HESX1: variants seen among roughly 807,000 people sequenced by gnomAD.
HESX1 encodes the protein HESX homeobox 1, also known as homeobox expressed in ES cells 1.
In HESX1, 11 loss-of-function variants were observed where a neutral mutation model predicts 22.5. That is an observed-to-expected ratio of 0.49 (90% CI 0.31 to 0.81). The LOEUF (loss-of-function observed/expected upper bound fraction) is 0.81, where lower values mean the gene tolerates loss of function less well. Among genes scored for constraint, HESX1 ranks in the 30% least tolerant of loss-of-function variants. The pLI is 0.05. For missense variants in HESX1, 201 were observed against 212.6 expected, an observed-to-expected ratio of 0.95 and a Z score of 0.34; for synonymous variants, 74 against 76.5, an observed-to-expected ratio of 0.97 and a Z score of 0.17.
intron 2 of HESX1, 55 bp downstream of exon 2, chr3:57,198,698 C>T: frequency 6.6e-7 from 1 of 1,513,490 alleles, no homozygotes; most frequent in Non-Finnish European, 9.2e-7. Flanking sequence ...TTTTGCTCAA[C>T]TTGGTGTCAA....
intron 1 of HESX1, chr3:57,226,177 CTTTT>C (rs1343540663): frequency 6.8e-6 from 1 of 146,628 alleles, no homozygotes; most frequent in South Asian, 2.1e-4. Context: ...AGCGCCAGGC[CTTTT>C]TTTTTTTCTT....
At chr3:57,216,215 CTCAT>C (rs1382173319) in intron 1 of HESX1, among the ~76,000 whole-genome samples, 2 of 152,238 alleles carry the variant, frequency 1.3e-5, no homozygotes, top group African/African-American at 2.4e-5. Context: ...TCTCTTAAGT[CTCAT>C]TCAATCAGCA....
upstream of HESX1, chr3:57,200,082 C>T (rs965735508): frequency 6.1e-6 from 4 of 652,506 alleles, no homozygotes; most frequent in Middle Eastern, 4.0e-4. Flanking sequence ...TTTAGCATGT[C>T]AATGAACACT....
chr3:57,214,642 T>C (rs1250154199), intron 1 of HESX1, among the ~76,000 whole-genome samples: 1 of 152,230 alleles, frequency 6.6e-6, no homozygotes, highest in African/African-American at 2.4e-5. Flanking sequence ...TGACACATAG[T>C]AGACATTACA....
intron 1 of HESX1, among the ~76,000 whole-genome samples, chr3:57,205,281 G>A (rs2060513554): frequency 6.6e-6 from 1 of 152,010 alleles, no homozygotes; most frequent in Non-Finnish European, 1.5e-5. Flanking sequence ...ATGGTTGCCT[G>A]CACCCATAGT....
chr3:57,199,896 C>A lies in HESX1; in HGVS notation c.23G>T (p.Gly8Val). 6.2e-7 allele frequency: 1 copy of A among 1,614,040 alleles called. No individual in the cohort carries two copies. Among genetic ancestry groups the A allele is most frequent in the South Asian group, 1.1e-5 (1 of 91,084 alleles). Residue 8 changes from glycine (G) to valine (V), a missense_variant, in exon 1 of 4, where the codon GGC (glycine) becomes GTC (valine). Gly to Val is a moderately radical substitution (Grantham distance 109). Coordinates refer to ENST00000295934, the MANE Select transcript of HESX1 (RefSeq NM_003865.3). ...GGGTTTGTTTTCCCCGAGCTGAGCG[C>A]CTTCCTGAAGGCTGGGAGACATCCT... MSPSLQE[G>V]AQLGENKPST... is the part of the protein sequence containing the mutation.
chr3:57,218,296 CCT>C (rs1207447243), intron 1 of HESX1, among the ~76,000 whole-genome samples: 1 of 152,002 alleles, frequency 6.6e-6, no homozygotes, highest in Non-Finnish European at 1.5e-5. Flanking sequence ...TCTGTTGTTG[CCT>C]CTTTGTGTCT....
intron 1 of HESX1, among the ~76,000 whole-genome samples, chr3:57,209,701 T>C (rs1187119634): frequency 7.9e-6 from 1 of 126,392 alleles, no homozygotes; most frequent in Non-Finnish European, 1.7e-5. Context: ...GAAAAGAAAA[T>C]AGTGATGATA....
At chr3:57,198,985 G>A (rs1250618038) in intron 1 of HESX1, 33 bp from the exon 2 acceptor site, 1 of 1,573,446 alleles carries the variant, frequency 6.4e-7, no homozygotes, top group Non-Finnish European at 8.7e-7. Flanking sequence ...TGTCTTAGAT[G>A]GTCAATCTTA....
At chr3:57,218,439 C>CTTTTTTT (rs60734023) in intron 1 of HESX1, among the ~76,000 whole-genome samples, 13 of 102,272 alleles carry the variant, frequency 1.3e-4, no homozygotes, top group African/African-American at 2.8e-4. Flanking sequence ...TGATCTCATT[C>CTTTTTTT]TTTTTTTTTT....
chr3:57,218,008 T>A (rs2060592541), intron 1 of HESX1, among the ~76,000 whole-genome samples: 1 of 152,342 alleles, frequency 6.6e-6, no homozygotes, highest in South Asian at 2.1e-4. Context: ...CCACTTTGTA[T>A]CTACTCCTAC....
At chr3:57,218,240 G>A (rs1311204799) in intron 1 of HESX1, among the ~76,000 whole-genome samples, 1 of 151,664 alleles carries the variant, frequency 6.6e-6, no homozygotes, top group Non-Finnish European at 1.5e-5. Flanking sequence ...ATTTTTTTCT[G>A]ATCCTCTTCC....
In HESX1 at chr3:57,209,543, A is replaced by G. The variant is rs113772030; in HGVS notation, c.-110-9515T>C. Reference sequence around the variant, plus strand: ...TACCATCTACTTGGGAGGCTGAGGCAGCAGAATTGCTTGAACTCCGGAGGT... The same window carrying G: ...TACCATCTACTTGGGAGGCTGAGGCGGCAGAATTGCTTGAACTCCGGAGGT... On this transcript the variant is annotated intron_variant, in intron 1 of 2. Transcript: ENST00000495160. 1.2e-3 allele frequency among the ~76,000 whole-genome samples: 190 copies of G among 152,186 alleles called. 1 individual carries two copies. Among genetic ancestry groups the G allele is most frequent in the African/African-American group, 4.4e-3 (182 of 41,520 alleles).
At chr3:57,223,387 T>G (rs1313735999) in intron 1 of HESX1, among the ~76,000 whole-genome samples, 1 of 147,510 alleles carries the variant, frequency 6.8e-6, no homozygotes, top group Non-Finnish European at 1.5e-5. Context: ...TTCCTAGAAG[T>G]TTTTTTTTTT....
chr3:57,198,949 T>C lies in HESX1; in HGVS notation c.161A>G (p.Lys54Arg). The C allele has an allele frequency of 6.2e-7, 1 of 1,614,042 alleles. No homozygotes were observed. The highest frequency in any genetic ancestry group is 1.1e-5 in the South Asian group (1 of 91,086). Residue 54 changes from lysine (K) to arginine (R), a missense_variant, in exon 2 of 4, where the codon AAA (lysine) becomes AGA (arginine). Physicochemically the swap from Lys to Arg is conservative, Grantham distance 26. Transcript: ENST00000295934. ...PWADTCSSSGKDGNLCLHVPN... is the reference protein window; with the variant it reads ...PWADTCSSSGRDGNLCLHVPN... ...GACATGTAGACATAAGTTACCATCT[T>C]TCCCTAAAAACAAAAAAATAAGCCC...
intron 1 of HESX1, among the ~76,000 whole-genome samples, chr3:57,214,457 C>T (rs767878565): frequency 9.2e-5 from 14 of 152,134 alleles, no homozygotes; most frequent in Admixed American, 6.6e-4. Context: ...GGTTAAGAAC[C>T]GAACTCTGAT....
intron 1 of HESX1, among the ~76,000 whole-genome samples, chr3:57,218,723 G>A (rs1392333797): frequency 6.6e-6 from 1 of 152,118 alleles, no homozygotes; most frequent in Non-Finnish European, 1.5e-5. Context: ...GATTACAAAC[G>A]TGAGCCACCA....
chr3:57,203,426 A>G (rs2060501570), upstream of HESX1, among the ~76,000 whole-genome samples: 1 of 152,206 alleles, frequency 6.6e-6, no homozygotes, highest in Admixed American at 6.5e-5. Context: ...TCCAATCCCC[A>G]TAATATCTTA....
rs2060472970 is a variant in HESX1 at position 57,199,763 on chromosome 3, T to A, written c.156A>T (p.Ser52=). ...HRPWADTCSS[S]GKDGNLCLHV... ...TGAAACAATTAAGCTGTGGCATACC[T>A]GATGAGCTGCAGGTGTCTGCCCAGG... The change falls in exon 1 of 4, where the codon TCA becomes TCT. Residue 52 remains serine, a splice_region_variant and synonymous_variant. Transcript: ENST00000295934. The A allele has an allele frequency of 6.2e-7, 1 of 1,614,052 alleles. No individual in the cohort carries two copies. Among genetic ancestry groups the A allele is most frequent in the East Asian group, 2.2e-5 (1 of 44,890 alleles).
Sources: allele counts gnomAD v4.1 joint callset (sites outside exome capture counted in the v4.1 genomes callset), GRCh38; gene constraint gnomAD v4.1.1; transcripts MANE v1.5; gene names NCBI Gene and HGNC (gene_info 2026-07-23, HGNC 2026-07-21).